The following NEK6 variants were observed in gnomAD, a reference collection of about 807,000 sequenced individuals.
NEK6 encodes NIMA related kinase 6.
NEK6 carries 27 observed loss-of-function variants against 43.5 expected under a neutral mutation model. The observed-to-expected ratio is 0.62, with a 90% CI of 0.46 to 0.86. The LOEUF (loss-of-function observed/expected upper bound fraction) is 0.86, where lower values mean the gene tolerates loss of function less well. Ranked by LOEUF, NEK6 falls within the 40% of genes least tolerant of loss-of-function variation. The pLI, the probability that NEK6 is intolerant of heterozygous loss-of-function variation, is 0.00. For missense variants in NEK6, 318 were observed against 414.4 expected, an observed-to-expected ratio of 0.77 and a Z score of 2.02; for synonymous variants, 167 against 164.1, an observed-to-expected ratio of 1.02 and a Z score of -0.14.
rs144941307 is a variant in NEK6, at chr9:124,337,193, C to T, written c.623-2378C>T. ...TTCAGGAAATCCTCCCATCTTTGCA[C>T]GGTTCCAGCTCATCCAATATGTGCC... On this transcript the variant is annotated intron_variant, in intron 7 of 9. Coordinates refer to ENST00000320246, the MANE Select transcript of NEK6 (RefSeq NM_014397.6). Among the ~76,000 whole-genome samples, 713 of 152,256 alleles carry T rather than the reference C, an allele frequency of 4.7e-3. 4 individuals are homozygous for T. The highest frequency in any genetic ancestry group is 0.014 in the African/African-American group (564 of 41,532).
rs150614386 is a variant in NEK6 at position 124,313,961 on chromosome 9, T to C, written c.270T>C (p.Cys90=). ...EMMDAKARQD[C]VKEIGLLKQL... is the part of the protein sequence containing the mutation. ...TGGACGCCAAGGCGAGGCAGGACTG[T>C]GTCAAGGAGATCGGCCTCTTGAAGG... The change falls in exon 4 of 10, where the codon TGT becomes TGC. Residue 90 remains cysteine (C), a synonymous_variant. Transcript: ENST00000320246. The C allele has an allele frequency of 4.3e-4, 688 of 1,614,152 alleles. 6 individuals are homozygous for C. The African/African-American group carries it at 8.2e-3, about 19-fold the overall frequency.
At chr9:124,332,435 G>A (rs1264411443) in intron 7 of NEK6, among the ~76,000 whole-genome samples, 1 of 152,218 alleles carries the variant, frequency 6.6e-6, no homozygotes, top group East Asian at 1.9e-4. Flanking sequence ...GCCAGGGAGT[G>A]GAGGAAGCAG....
intron 5 of NEK6, among the ~76,000 whole-genome samples, chr9:124,322,020 AT>A (rs1325836625): frequency 1.3e-5 from 2 of 152,210 alleles, no homozygotes; most frequent in East Asian, 3.9e-4. Context: ...TTGGGAAAGC[AT>A]CTTGTAGATC....
chr9:124,306,020 A>T (rs534713333), intron 2 of NEK6, among the ~76,000 whole-genome samples: 88 of 152,306 alleles, frequency 5.8e-4, no homozygotes, highest in African/African-American at 2.1e-3. Context: ...TTCTAGATAG[A>T]TCACTGGTGG....
intron 4 of NEK6, among the ~76,000 whole-genome samples, chr9:124,317,089 T>C (rs1031279354): frequency 1.3e-5 from 2 of 152,194 alleles, no homozygotes; most frequent in African/African-American, 4.8e-5. Context: ...GTCTCAGAGA[T>C]TTGAAGGCAC....
chr9:124,284,864 C>T lies in NEK6; in HGVS notation c.-29-17072C>T, dbSNP rs141785569. 3.7e-3 allele frequency among the ~76,000 whole-genome samples: 566 copies of T among 152,312 alleles called. 4 individuals are homozygous for T. The highest frequency in any genetic ancestry group is 0.02 in the Middle Eastern group (6 of 294). ...GTTCAAGCCCCTGCCTCTGCTGTCT[C>T]CCAGGTCTTCAAATTTACACCACTC... is the stretch of plus-strand genomic sequence containing the variant. On this transcript the variant is annotated intron_variant, in intron 1 of 9. Coordinates refer to ENST00000320246, the MANE Select transcript of NEK6 (RefSeq NM_014397.6).
At chr9:124,290,965 C>G (rs970133222) in intron 1 of NEK6, among the ~76,000 whole-genome samples, 3 of 152,156 alleles carry the variant, frequency 2.0e-5, no homozygotes, top group Admixed American at 6.5e-5. Context: ...TGCAGGGTCC[C>G]GAAGGGAAGA....
At chr9:124,278,589 AC>A (rs1396205636) in intron 1 of NEK6, among the ~76,000 whole-genome samples, 1 of 151,298 alleles carries the variant, frequency 6.6e-6, no homozygotes, top group Non-Finnish European at 1.5e-5. Context: ...GCTCAGCCAC[AC>A]CCCCCCACCC....
intron 9 of NEK6, among the ~76,000 whole-genome samples, chr9:124,350,301 C>A (rs1285720970): frequency 6.6e-6 from 1 of 152,050 alleles, no homozygotes; most frequent in Non-Finnish European, 1.5e-5. Flanking sequence ...ATCAGAGGCG[C>A]AAGGCGCCCC....
rs1554847576 is a variant in NEK6 at position 124,292,595 on chromosome 9, CCTT to C, written c.-29-9336_-29-9334del. On this transcript the variant is annotated intron_variant, in intron 1 of 9. Coordinates refer to ENST00000320246, the MANE Select transcript of NEK6 (RefSeq NM_014397.6). The stretch of plus-strand genomic sequence containing the variant: ...AGCCCCCGGGGCTGTTCCACTTGGT[CCTT>C]CTTCCACTGTCAGTCAGCAGGGTAG... 7.2e-6 allele frequency: 11 copies of C among 1,532,512 alleles called. No homozygotes were observed. The Middle Eastern group carries it at 8.4e-4, about 118-fold the overall frequency. The allele number at this position is 1,532,512 out of a possible 1,614,324, so 94.9% of individuals were successfully genotyped here.
At chr9:124,320,961 G>A (rs1416862390) in intron 4 of NEK6, among the ~76,000 whole-genome samples, 5 of 152,210 alleles carry the variant, frequency 3.3e-5, no homozygotes, top group Non-Finnish European at 5.9e-5. Flanking sequence ...GATTTTACAA[G>A]AGATAGGTCA....
At position 124,259,259 on chromosome 9, in the gene NEK6, CTT is replaced by C. The variant is rs935641533; in HGVS notation, c.-30+1177_-30+1178del. On this transcript the variant is annotated intron_variant, in intron 1 of 9. Transcript: ENST00000320246. The stretch of plus-strand genomic sequence containing the variant: ...TTCCAGAGCTCCCTAGTTGGTCTGA[CTT>C]TTCCAAATTCAGCTTGCCTTTTTTG... The C allele has an allele frequency of 3.5e-4, 54 of 152,312 alleles. 1 individual carries two copies. The highest frequency in any genetic ancestry group is 1.3e-3 in the African/African-American group (53 of 41,584). 9.4% of individuals were successfully genotyped at this position (152,312 alleles called of 1,614,324 possible). A position where few individuals can be genotyped will look rare whatever the true frequency, so the allele number is the denominator to read the frequency against.
intron 1 of NEK6, among the ~76,000 whole-genome samples, chr9:124,289,076 G>A (rs1209889422): frequency 6.6e-6 from 1 of 151,896 alleles, no homozygotes; most frequent in African/African-American, 2.4e-5. Flanking sequence ...GAACTCCTGG[G>A]CTTAAGTGAT....
intron 1 of NEK6, among the ~76,000 whole-genome samples, chr9:124,294,457 A>C (rs546403707): frequency 6.6e-6 from 1 of 151,420 alleles, no homozygotes; most frequent in East Asian, 1.9e-4. Flanking sequence ...GCGCCATTGC[A>C]CTCAAGCCTG....
intron 7 of NEK6, among the ~76,000 whole-genome samples, chr9:124,329,142 G>A (rs1828834716): frequency 6.6e-6 from 1 of 152,220 alleles, no homozygotes; most frequent in Admixed American, 6.5e-5. Context: ...ACTCTCCGTT[G>A]CTGGAAGGAA....
chr9:124,331,079 A>G (rs534574962), intron 7 of NEK6, among the ~76,000 whole-genome samples: 1 of 152,144 alleles, frequency 6.6e-6, no homozygotes, highest in Non-Finnish European at 1.5e-5. Flanking sequence ...CCTGGCCAAT[A>G]TGGTGAAACC....
Position 124,337,435 on chromosome 9 carries a change from C to T in NEK6, c.623-2136C>T, listed in dbSNP as rs552005712. The stretch of plus-strand genomic sequence containing the variant: ...GAGGTATAATATACATACAGTGAAG[C>T]TCCTGGAGCCCTTTCCTGGTCACCA... On this transcript the variant is annotated intron_variant, in intron 7 of 9. Transcript: ENST00000320246. 3.3e-5 allele frequency among the ~76,000 whole-genome samples: 5 copies of T among 152,330 alleles called. No homozygotes were observed. In the East Asian group the frequency reaches 5.8e-4, roughly 18 times the overall value.
Position 124,329,804 on chromosome 9 carries a change from A to G in NEK6, c.622+2359A>G, listed in dbSNP as rs535225350. Among the ~76,000 whole-genome samples the G allele has an allele frequency of 1.6e-3, 243 of 152,362 alleles. 2 individuals are homozygous for G. The highest frequency in any genetic ancestry group is 2.5e-3 in the Non-Finnish European group (171 of 68,042). ...ACCCCTTCCACCAAGAGGTTCTGCA[A>G]ACAGCTAAGTCTTGCACACACGTTT... On this transcript the variant is annotated intron_variant, in intron 7 of 9. Transcript: ENST00000320246.
At chr9:124,340,756 G>A (rs1413516669) in intron 8 of NEK6, among the ~76,000 whole-genome samples, 1 of 152,210 alleles carries the variant, frequency 6.6e-6, no homozygotes, top group Non-Finnish European at 1.5e-5. Context: ...TGATGCTCAG[G>A]ACAGCGTGTC....
Sources: allele counts gnomAD v4.1 joint callset (sites outside exome capture counted in the v4.1 genomes callset), GRCh38; gene constraint gnomAD v4.1.1; transcripts MANE v1.5; gene names NCBI Gene and HGNC (gene_info 2026-07-23, HGNC 2026-07-21).